The following DPP10 variants were observed in gnomAD, a reference collection of about 807,000 sequenced individuals.
DPP10 encodes dipeptidyl peptidase like 10.
In DPP10, 33 loss-of-function variants were observed where a neutral mutation model predicts 120.9. The ratio of observed to expected loss-of-function variants is 0.27; its 90% confidence interval spans 0.21 to 0.37. DPP10 has a LOEUF of 0.37. Among genes scored for constraint, DPP10 ranks in the 10% least tolerant of loss-of-function variants. The pLI is 1.00. For missense variants in DPP10, 816 were observed against 942.8 expected, an observed-to-expected ratio of 0.87 and a Z score of 1.76; for synonymous variants, 337 against 326.1, an observed-to-expected ratio of 1.03 and a Z score of -0.36.
intron 1 of DPP10, among the ~76,000 whole-genome samples, chr2:114,509,140 C>T (rs1186780292): frequency 3.9e-5 from 6 of 152,186 alleles, no homozygotes; most frequent in African/African-American, 9.7e-5. Context: ...TCTTTCAGTA[C>T]TGTAAGATGC....
chr2:115,770,681 T>G (rs1046857949), intron 13 of DPP10, among the ~76,000 whole-genome samples: 3 of 152,072 alleles, frequency 2.0e-5, no homozygotes, highest in African/African-American at 7.2e-5. Context: ...AATTTAAAAA[T>G]AGCTAACAAA....
At chr2:114,997,124 G>A (rs547051478) in intron 1 of DPP10, among the ~76,000 whole-genome samples, 42 of 151,650 alleles carry the variant, frequency 2.8e-4, no homozygotes, top group African/African-American at 9.4e-4. Flanking sequence ...ATATAAAAAG[G>A]GCCTCTTTTC....
intron 11 of DPP10, among the ~76,000 whole-genome samples, chr2:115,756,198 A>T (rs1482027067): frequency 6.6e-6 from 1 of 152,088 alleles, no homozygotes; most frequent in Non-Finnish European, 1.5e-5. Flanking sequence ...GGAGGAAAGG[A>T]TAGAGAGAAG....
At chr2:115,432,529 C>T (rs955013103) in intron 3 of DPP10, among the ~76,000 whole-genome samples, 2 of 151,724 alleles carry the variant, frequency 1.3e-5, no homozygotes, top group Non-Finnish European at 2.9e-5. Context: ...GTAAAGGGAC[C>T]ATTTCCTTCT....
chr2:115,357,353 G>A (rs536586983), intron 3 of DPP10, among the ~76,000 whole-genome samples: 4 of 152,300 alleles, frequency 2.6e-5, no homozygotes, highest in African/African-American at 9.6e-5. Context: ...TTGGTCAAGG[G>A]CCTACAGGCC....
chr2:115,338,870 A>G (rs1187828544), intron 2 of DPP10, among the ~76,000 whole-genome samples: 1 of 152,188 alleles, frequency 6.6e-6, no homozygotes, highest in Non-Finnish European at 1.5e-5. Flanking sequence ...CCATAGGAGA[A>G]AGTTTCAAGA....
intron 3 of DPP10, among the ~76,000 whole-genome samples, chr2:115,493,144 A>G (rs566378443): frequency 6.6e-6 from 1 of 152,126 alleles, no homozygotes; most frequent in East Asian, 1.9e-4. Context: ...AGTGTTTGAG[A>G]TAATGGTAAG....
intron 1 of DPP10, among the ~76,000 whole-genome samples, chr2:114,724,397 T>A (rs1039288416): frequency 1.3e-5 from 2 of 152,208 alleles, no homozygotes; most frequent in Non-Finnish European, 2.9e-5. Context: ...AAGGAGAGCT[T>A]TATTGGCAAT....
intron 4 of DPP10, among the ~76,000 whole-genome samples, chr2:115,512,413 G>A (rs2077282538): frequency 6.6e-6 from 1 of 151,984 alleles, no homozygotes; most frequent in South Asian, 2.1e-4. Context: ...TTACAGATAT[G>A]AGCCACTGCA....
chr2:114,893,462 TG>T (rs549015122), intron 1 of DPP10, among the ~76,000 whole-genome samples: 1 of 151,764 alleles, frequency 6.6e-6, no homozygotes, highest in Admixed American at 6.6e-5. Flanking sequence ...TTTTGAATAT[TG>T]GGGGGTGGAT....
At chr2:115,233,022 C>A (rs75450247) in intron 1 of DPP10, among the ~76,000 whole-genome samples, 1 of 116,668 alleles carries the variant, frequency 8.6e-6, no homozygotes, top group Non-Finnish European at 1.8e-5. Flanking sequence ...GCAACTTTAT[C>A]GATAGTGTCT....
chr2:115,653,714 A>T (rs2088018990), intron 5 of DPP10, among the ~76,000 whole-genome samples: 1 of 151,890 alleles, frequency 6.6e-6, no homozygotes, highest in South Asian at 2.1e-4. Context: ...CTTCCCTAGA[A>T]GGCAAGTTGA....
intron 1 of DPP10, among the ~76,000 whole-genome samples, chr2:115,200,280 A>G (rs867922141): frequency 1.3e-5 from 2 of 152,208 alleles, no homozygotes; most frequent in Non-Finnish European, 2.9e-5. Context: ...CATTTGTTGT[A>G]TAGAGCAGAG....
At chr2:115,300,265 C>T (rs1013169822) in intron 1 of DPP10, among the ~76,000 whole-genome samples, 2 of 152,018 alleles carry the variant, frequency 1.3e-5, no homozygotes, top group Non-Finnish European at 2.9e-5. Context: ...ACCATTCTGC[C>T]TTCTGTCTCT....
At chr2:115,367,570 C>G (rs1238989165) in intron 3 of DPP10, among the ~76,000 whole-genome samples, 1 of 151,886 alleles carries the variant, frequency 6.6e-6, no homozygotes, top group Non-Finnish European at 1.5e-5. Flanking sequence ...TTTCTTTATA[C>G]TTTTCTAAGT....
chr2:114,457,300 C>T (rs1303427145), intron 1 of DPP10, among the ~76,000 whole-genome samples: 12 of 152,156 alleles, frequency 7.9e-5, no homozygotes, highest in Non-Finnish European at 4.4e-5. Context: ...TCACTGGCAT[C>T]GTAGGATGTC....
intron 1 of DPP10, among the ~76,000 whole-genome samples, chr2:115,289,661 A>G (rs899473959): frequency 1.3e-5 from 2 of 152,206 alleles, no homozygotes; most frequent in East Asian, 1.9e-4. Flanking sequence ...ACGAAGACCA[A>G]TGAAGCAGAA....
chr2:115,541,498 G>A (rs189327706), intron 5 of DPP10, among the ~76,000 whole-genome samples: 51 of 150,070 alleles, frequency 3.4e-4, no homozygotes, highest in African/African-American at 1.1e-3. Flanking sequence ...GTGTGTGTGC[G>A]AGAGAGAGAG....
rs1315459972 is a variant in DPP10 at position 115,408,935 on chromosome 2, G to C, written c.271+65023G>C. ...ACACAGATCAAATCCAAAGTAATTA[G>C]AAGTAAATAAATAGTAGATCTCTGA... On this transcript the variant is annotated intron_variant, in intron 3 of 25. Coordinates refer to ENST00000410059, the MANE Select transcript of DPP10 (RefSeq NM_020868.6). Among the ~76,000 whole-genome samples, 6 of 151,750 alleles carry C rather than the reference G, an allele frequency of 4.0e-5. No homozygotes were observed. The East Asian group carries it at 1.2e-3, about 29-fold the overall frequency.
Sources: gnomAD v4.1 joint callset for allele counts (sites outside exome capture counted in the v4.1 genomes callset) on GRCh38, gnomAD v4.1.1 for gene constraint, MANE v1.5 for transcripts, NCBI Gene and HGNC (gene_info 2026-07-23, HGNC 2026-07-21) for gene names.